Variants in USP24 observed in about 807,000 individuals in gnomAD.
The protein encoded by USP24 is ubiquitin specific peptidase 24.
A neutral mutation model predicts 361.6 loss-of-function variants in USP24; 97 were observed. That is an observed-to-expected ratio of 0.27 (90% CI 0.23 to 0.32). USP24 has a LOEUF of 0.32. USP24 is among the 10% of genes least tolerant of loss of function. USP24 has a pLI of 1.00. For synonymous variants in USP24, 1,098 were observed against 1,124.6 expected (o/e 0.98, Z 0.47); for missense variants, 2,353 against 3,165.6 (o/e 0.74, Z 6.16).
chr1:55,197,948 A>G (rs1247723636), intron 1 of USP24, among the ~76,000 whole-genome samples: 1 of 152,206 alleles, frequency 6.6e-6, no homozygotes, highest in African/African-American at 2.4e-5. Flanking sequence ...CATTATAACT[A>G]CGAAGGGTTT....
rs574256451 is a variant in USP24 at position 55,080,558 on chromosome 1, A to G, written c.7078+764T>C. On this transcript the variant is annotated intron_variant, in intron 59 of 67. Transcript: ENST00000294383. ...TACTCCTCATAGGTTTGTTACGGGG[A>G]TCAAACACAGTAAGTTTAAAGCACT... Among the ~76,000 whole-genome samples the G allele has an allele frequency of 2.8e-4, 42 of 152,268 alleles. 1 individual carries two copies. The South Asian group carries it at 8.7e-3, about 32-fold the overall frequency.
rs1033387661 is a variant in USP24, at chr1:55,178,020, C to T, written c.437G>A (p.Arg146Gln). Residue 146 changes from arginine (R) to glutamine (Q), a missense_variant, in exon 2 of 68, where the codon CGA becomes CAA. Arg to Gln is a conservative substitution (Grantham distance 43). Around this residue, in one of 8 missense-constraint regions of USP24, gnomAD observed 253 missense variants for 255.3 expected, o/e 0.99. Transcript: ENST00000294383. ...LTDHWSIPYKREESLGKCLLA... is the reference protein window; with the variant it reads ...LTDHWSIPYKQEESLGKCLLA... ...CAGGCATTTGCCTAGTGATTCTTCT[C>T]GCTTGTAAGGGATGGACCAATGATC... 1.7e-5 allele frequency: 27 copies of T among 1,551,492 alleles called. No homozygotes were observed. The highest frequency in any genetic ancestry group is 2.3e-5 in the Non-Finnish European group (26 of 1,146,946).
At position 55,083,849 on chromosome 1, in the gene USP24, G is replaced by A. The variant is rs1397960012; in HGVS notation, c.6805C>T (p.Leu2269=). 1 of 1,604,534 alleles carries A rather than the reference G, an allele frequency of 6.2e-7. No homozygotes were observed. Among genetic ancestry groups the A allele is most frequent in the Non-Finnish European group, 8.5e-7 (1 of 1,175,176 alleles). ...TTTTCTGGGACGTCTTTGTCCAACA[G>A]AGCAAGTAGTACCTCCAGTAACTGA... ...LHQLLEVLLA[L]LDKDVPENCK... is the part of the protein sequence containing the mutation. The change falls in exon 57 of 68, where the codon CTG becomes TTG. Residue 2269 remains leucine (L), a synonymous_variant. Transcript: ENST00000294383.
intron 54 of USP24, among the ~76,000 whole-genome samples, chr1:55,091,083 CAAAAACCCAA>C (rs1430293772): frequency 6.6e-6 from 1 of 151,870 alleles, no homozygotes; most frequent in Non-Finnish European, 1.5e-5. Context: ...GACTCTGCCT[CAAAAACCCAA>C]AAAAACCATA....
chr1:55,069,178 G>T, intron 67 of USP24, 71 bp from the exon 68 acceptor site: 1 of 1,516,792 alleles, frequency 6.6e-7, no homozygotes, highest in Non-Finnish European at 9.1e-7. Context: ...CTTGTGTTCT[G>T]CAATTTAAAC....
chr1:55,069,518 C>G (rs957915666), intron 67 of USP24, among the ~76,000 whole-genome samples: 1 of 152,206 alleles, frequency 6.6e-6, no homozygotes, highest in African/African-American at 2.4e-5. Context: ...CTGTTACCAT[C>G]TGTGTGGCCT....
At position 55,130,064 on chromosome 1, in the gene USP24, G is replaced by GT. The variant is rs541495866; in HGVS notation, c.3538-491dup. Among the ~76,000 whole-genome samples, 648 of 152,334 alleles carry GT rather than the reference G, an allele frequency of 4.3e-3. 2 individuals carry two copies. The highest frequency in any genetic ancestry group is 0.014 in the African/African-American group (600 of 41,562). The stretch of plus-strand genomic sequence containing the variant: ...AGACCTGAAAGGTTAAGTAGGTTAA[G>GT]TGACTGCCCACCCAAGGTCACGTGG... On this transcript the variant is annotated intron_variant, in intron 31 of 67. Transcript: ENST00000294383.
intron 28 of USP24, among the ~76,000 whole-genome samples, chr1:55,136,046 G>A (rs192371771): frequency 7.9e-5 from 12 of 152,164 alleles, no homozygotes; most frequent in African/African-American, 2.2e-4. Context: ...TATTGGGAGA[G>A]AGAGATAAAC....
intron 8 of USP24, among the ~76,000 whole-genome samples, chr1:55,160,040 A>C (rs1648107695): frequency 6.6e-6 from 1 of 152,226 alleles, no homozygotes; most frequent in Admixed American, 6.5e-5. Context: ...ATATAAACAC[A>C]GACCATGGAA....
chr1:55,195,074 C>T (rs1027709672), intron 1 of USP24, among the ~76,000 whole-genome samples: 6 of 152,134 alleles, frequency 3.9e-5, no homozygotes, highest in Admixed American at 1.3e-4. Flanking sequence ...AAAAAGGAAG[C>T]TCATCCCATC....
chr1:55,086,989 C>A (rs1645264922), intron 55 of USP24, among the ~76,000 whole-genome samples: 1 of 152,062 alleles, frequency 6.6e-6, no homozygotes, highest in South Asian at 2.1e-4. Flanking sequence ...AATCTGTAAG[C>A]AATATTTACT....
chr1:55,116,575 A>G (rs1646122697), intron 38 of USP24, among the ~76,000 whole-genome samples: 1 of 152,164 alleles, frequency 6.6e-6, no homozygotes, highest in Non-Finnish European at 1.5e-5. Flanking sequence ...GAAGTAGACA[A>G]ATTCCTAGCA....
chr1:55,095,411 A>G lies in USP24; in HGVS notation c.6062-15T>C. 1 of 1,588,994 alleles carries G rather than the reference A, an allele frequency of 6.3e-7. No individual in the cohort carries two copies. Among genetic ancestry groups the G allele is most frequent in the Non-Finnish European group, 8.6e-7 (1 of 1,168,236 alleles). On this transcript the variant is annotated splice_polypyrimidine_tract_variant and intron_variant, in intron 50 of 67. Transcript: ENST00000294383. ...GTATGGGTTTGCTTTATAACAAGAC[A>G]TTAAGAAACACATCTGTAAATAAAA...
rs750841838 is a variant in USP24 at position 55,139,004 on chromosome 1, A to G, written c.2757T>C (p.Thr919=). The part of the protein sequence containing the change: ...ATSVQSPYRS[T]KLVIIERLLL... ...GCAATCTCTCAATTATTACAAGTTT[A>G]GTAGATCTATAGATTAAAAAAAAAA... The change falls in exon 25 of 68, where the codon ACT becomes ACC. Residue 919 remains threonine (T), a synonymous_variant. Coordinates refer to ENST00000294383, the MANE Select transcript of USP24 (RefSeq NM_015306.3). The G allele has an allele frequency of 6.2e-7, 1 of 1,609,942 alleles. No homozygotes were observed. Among genetic ancestry groups the G allele is most frequent in the South Asian group, 1.1e-5 (1 of 90,458 alleles).
intron 59 of USP24, among the ~76,000 whole-genome samples, chr1:55,080,414 C>T (rs1011926120): frequency 3.5e-4 from 54 of 152,174 alleles, no homozygotes; most frequent in African/African-American, 1.2e-3. Flanking sequence ...TTCCTAGTAG[C>T]TTCTGGGTCT....
intron 1 of USP24, among the ~76,000 whole-genome samples, chr1:55,179,359 T>TAA (rs1488907180): frequency 6.6e-6 from 1 of 152,208 alleles, no homozygotes; most frequent in Non-Finnish European, 1.5e-5. Flanking sequence ...AGCCGCCTTC[T>TAA]CTTTTTGTTC....
At chr1:55,079,848 CAG>C (rs1483666194) in intron 59 of USP24, among the ~76,000 whole-genome samples, 189 bp from the exon 60 acceptor site, 1 of 144,176 alleles carries the variant, frequency 6.9e-6, no homozygotes, top group Non-Finnish European at 1.6e-5. Flanking sequence ...TACTCACACA[CAG>C]AGTACTCGTG....
In USP24 at chr1:55,095,673, G is replaced by GT. The variant is rs149956026; in HGVS notation, c.6062-278dup. 4.5e-3 allele frequency among the ~76,000 whole-genome samples: 682 copies of GT among 152,254 alleles called. 7 individuals carry two copies. The highest frequency in any genetic ancestry group is 0.016 in the African/African-American group (660 of 41,542). On this transcript the variant is annotated intron_variant, in intron 50 of 67. Transcript: ENST00000294383. Reference sequence around the variant, plus strand: ...ATGGTAATGGAGTAAGAGAAAGAAGGTAAGTATCCTAGGGAGGTCTAAATG... The same window carrying GT: ...ATGGTAATGGAGTAAGAGAAAGAAGGTTAAGTATCCTAGGGAGGTCTAAATG...
At chr1:55,132,117 G>A (rs1474320407) in intron 31 of USP24, among the ~76,000 whole-genome samples, 1 of 152,054 alleles carries the variant, frequency 6.6e-6, no homozygotes, top group Non-Finnish European at 1.5e-5. Flanking sequence ...GCTTCTTTTG[G>A]GGAGGCTAAT....
Sources: allele counts gnomAD v4.1 joint callset (sites outside exome capture counted in the v4.1 genomes callset), GRCh38; gene constraint gnomAD v4.1.1; regional missense constraint gnomAD v4.1.1; transcripts MANE v1.5; gene names NCBI Gene and HGNC (gene_info 2026-07-23, HGNC 2026-07-21).